Variants in FXN observed in about 807,000 individuals in gnomAD.
FXN encodes frataxin, mitochondrial.
In FXN, 14 loss-of-function variants were observed where a neutral mutation model predicts 22.4. The ratio of observed to expected loss-of-function variants is 0.62; its 90% CI spans 0.41 to 0.98. FXN has a LOEUF of 0.98. Among genes scored for constraint, FXN ranks in the 50% least tolerant of loss-of-function variants. FXN has a pLI of 0.00. For missense variants in FXN, 267 were observed against 268.4 expected, an observed-to-expected ratio of 0.99 and a Z score of 0.04; for synonymous variants, 120 against 114.1, an observed-to-expected ratio of 1.05 and a Z score of -0.33.
At chr9:69,053,030 C>T in intron 2 of FXN, 110 bp from the exon 3 acceptor site, 2 of 1,062,840 alleles carry the variant, frequency 1.9e-6, no homozygotes. Flanking sequence ...TTACTTTTTA[C>T]ATGTTATTTT....
At chr9:69,041,275 G>C (rs1831653038) in intron 1 of FXN, among the ~76,000 whole-genome samples, 1 of 152,170 alleles carries the variant, frequency 6.6e-6, no homozygotes, top group African/African-American at 2.4e-5. Flanking sequence ...TATCTGTTCT[G>C]CTATGGCTTG....
intron 4 of FXN, among the ~76,000 whole-genome samples, chr9:69,067,650 A>C (rs774643033): frequency 2.6e-5 from 4 of 152,208 alleles, no homozygotes; most frequent in Non-Finnish European, 5.9e-5. Context: ...AATTATCAAC[A>C]ATAAAGATCA....
At chr9:69,042,854 T>C (rs192349480) in intron 1 of FXN, among the ~76,000 whole-genome samples, 2 of 152,306 alleles carry the variant, frequency 1.3e-5, no homozygotes, top group Admixed American at 1.3e-4. Flanking sequence ...CTTTAATTCC[T>C]GGGAAAACAA....
intron 1 of FXN, among the ~76,000 whole-genome samples, chr9:69,041,692 C>G (rs921786033): frequency 1.3e-5 from 2 of 152,222 alleles, no homozygotes; most frequent in African/African-American, 4.8e-5. Flanking sequence ...GCTGGGCTCC[C>G]TGCTGGCCAT....
At chr9:69,041,925 T>C (rs1244969689) in intron 1 of FXN, among the ~76,000 whole-genome samples, 1 of 152,138 alleles carries the variant, frequency 6.6e-6, no homozygotes, top group Non-Finnish European at 1.5e-5. Flanking sequence ...GAGGGAGACA[T>C]GGCTGCCAGG....
chr9:69,054,402 A>G (rs1272730848), intron 3 of FXN, among the ~76,000 whole-genome samples: 1 of 152,208 alleles, frequency 6.6e-6, no homozygotes, highest in African/African-American at 2.4e-5. Flanking sequence ...AGATTTGGGC[A>G]AGGGTCTGCC....
Position 69,073,082 on chromosome 9 carries a change from A to G in FXN, c.*320A>G. Reference sequence around the variant, plus strand: ...TTAAAAAAGCAAAATAATAAGAAGGAAAAATTCCAGGAGGGAAAATGAATT... The same window carrying G: ...TTAAAAAAGCAAAATAATAAGAAGGGAAAATTCCAGGAGGGAAAATGAATT... On this transcript the variant is annotated 3_prime_UTR_variant, in exon 5 of 5. Transcript: ENST00000484259. The G allele has an allele frequency of 8.4e-7, 1 of 1,195,568 alleles. No individual in the cohort carries two copies. Among genetic ancestry groups the G allele is most frequent in the Middle Eastern group, 3.6e-4 (1 of 2,802 alleles). 74.1% of individuals were successfully genotyped at this position (1,195,568 alleles called of 1,614,324 possible).
chr9:69,053,248 T>G lies in FXN; in HGVS notation c.372T>G (p.Asp124Glu). The change falls in exon 3 of 5, where the codon GAT becomes GAG. Residue 124 changes from aspartate to glutamate, a missense_variant. Coordinates refer to ENST00000484259, the MANE Select transcript of FXN (RefSeq NM_000144.5). Reference sequence around the variant, plus strand: ...AGCCATACACGTTTGAGGACTATGATGTCTCCTTTGGGGTACCTCTTGACT... The same window carrying G: ...AGCCATACACGTTTGAGGACTATGAGGTCTCCTTTGGGGTACCTCTTGACT... ...ADKPYTFEDY[D>E]VSFGSGVLTV... 6.2e-7 allele frequency: 1 copy of G among 1,613,758 alleles called. No individual in the cohort carries two copies. Among genetic ancestry groups the G allele is most frequent in the Non-Finnish European group, 8.5e-7 (1 of 1,179,806 alleles).
Position 69,076,717 on chromosome 9 carries a change from C to T in FXN, c.*3955C>T. ...CCAAGGAAAAATCGCTTTACGCTTC[C>T]AAGGTACACACTAAGATGAAAGTAA... On this transcript the variant is annotated 3_prime_UTR_variant, in exon 5 of 5. Transcript: ENST00000484259. 1 of 985,364 alleles carries T rather than the reference C, an allele frequency of 1.0e-6. No individual in the cohort carries two copies. Among genetic ancestry groups the T allele is most frequent in the African/African-American group, 1.7e-5 (1 of 57,338 alleles). The allele number at this position is 985,364 out of a possible 1,614,324, so 61.0% of individuals were successfully genotyped here. A position where few individuals can be genotyped will look rare whatever the true frequency, so the allele number is the denominator to read the frequency against.
chr9:69,069,579 A>C (rs561310622), intron 4 of FXN, among the ~76,000 whole-genome samples: 102 of 152,270 alleles, frequency 6.7e-4, no homozygotes, highest in African/African-American at 2.2e-3. Flanking sequence ...AGTGGAGGGG[A>C]ACAGGGAAAC....
intron 4 of FXN, among the ~76,000 whole-genome samples, chr9:69,069,785 A>G (rs1195556244): frequency 2.6e-5 from 4 of 152,240 alleles, no homozygotes; most frequent in African/African-American, 4.8e-5. Context: ...GAGTCCACGG[A>G]GGAGGATGCC....
chr9:69,060,529 G>C (rs746871913), intron 3 of FXN, among the ~76,000 whole-genome samples: 2 of 152,178 alleles, frequency 1.3e-5, no homozygotes, highest in Admixed American at 6.5e-5. Flanking sequence ...TAATGATGAT[G>C]ATGAAGAGAA....
intron 1 of FXN, among the ~76,000 whole-genome samples, chr9:69,041,707 G>A (rs1387661822): frequency 6.6e-6 from 1 of 152,198 alleles, no homozygotes; most frequent in African/African-American, 2.4e-5. Flanking sequence ...GGCCATCCAG[G>A]CCAGTCCTTA....
chr9:69,053,067 A>G (rs1587821715), intron 2 of FXN, 73 bp from the exon 3 acceptor site: 11 of 1,442,768 alleles, frequency 7.6e-6, no homozygotes, highest in South Asian at 2.5e-5. Flanking sequence ...TTAAATAACA[A>G]ATGTATAAAT....
Position 69,077,559 on chromosome 9 carries a change from C to T in FXN, c.*4797C>T, listed in dbSNP as rs548349099. 27 of 985,402 alleles carry T rather than the reference C, an allele frequency of 2.7e-5. No homozygotes were observed. In the South Asian group the frequency reaches 8.9e-4, roughly 33 times the overall value. 61.0% of individuals were successfully genotyped at this position (985,402 alleles called of 1,614,324 possible). On this transcript the variant is annotated 3_prime_UTR_variant, in exon 5 of 5. Coordinates refer to ENST00000484259, the MANE Select transcript of FXN (RefSeq NM_000144.5). Reference sequence around the variant, plus strand: ...CCCCATCCAGGTAGAAGTACTAGTGCAAGAAGGGCCTCTGCTGTCCACTTG... The same window carrying T: ...CCCCATCCAGGTAGAAGTACTAGTGTAAGAAGGGCCTCTGCTGTCCACTTG...
intron 4 of FXN, among the ~76,000 whole-genome samples, chr9:69,065,749 T>A (rs564568261): frequency 6.6e-6 from 1 of 152,152 alleles, no homozygotes; most frequent in Non-Finnish European, 1.5e-5. Flanking sequence ...GCCTAGACAG[T>A]TTTCCTCTAT....
chr9:69,059,305 T>C (rs2133119159), intron 3 of FXN, among the ~76,000 whole-genome samples: 1 of 150,000 alleles, frequency 6.7e-6, no homozygotes, highest in East Asian at 2.0e-4. Context: ...TACTCAGGAG[T>C]ACCATTCCAG....
chr9:69,073,288 C>T lies in FXN; in HGVS notation c.*526C>T. On this transcript the variant is annotated 3_prime_UTR_variant, in exon 5 of 5. Coordinates refer to ENST00000484259, the MANE Select transcript of FXN (RefSeq NM_000144.5). ...TTTAGCATTGAAGTGTCGAAAGCAA[C>T]TCACACGGGAAGATCATTTCTTATT... 1.0e-6 allele frequency: 1 copy of T among 1,004,144 alleles called. No homozygotes were observed. The highest frequency in any genetic ancestry group is 1.2e-6 in the Non-Finnish European group (1 of 840,702). The allele number at this position is 1,004,144 out of a possible 1,614,324, so 62.2% of individuals were successfully genotyped here.
At chr9:69,056,844 G>A (rs1564334734) in intron 3 of FXN, among the ~76,000 whole-genome samples, 1 of 140,346 alleles carries the variant, frequency 7.1e-6, no homozygotes, top group Non-Finnish European at 1.7e-5. Flanking sequence ...CTGGGTTCAA[G>A]TGATTCTCTT....
Sources: allele counts gnomAD v4.1 joint callset (sites outside exome capture counted in the v4.1 genomes callset), GRCh38; gene constraint gnomAD v4.1.1; transcripts MANE v1.5; gene names NCBI Gene and HGNC (gene_info 2026-07-23, HGNC 2026-07-21).